Variants in WBP4 observed in about 807,000 individuals in gnomAD.
WBP4 encodes the protein WW domain-binding protein 4.
WBP4 carries 37 observed loss-of-function variants against 55.4 expected under a neutral mutation model. The ratio of observed to expected loss-of-function variants is 0.67; its 90% confidence interval spans 0.51 to 0.88. The LOEUF (loss-of-function observed/expected upper bound fraction) is 0.88. Ranked by LOEUF, WBP4 falls within the 40% of genes least tolerant of loss-of-function variation. The probability of loss-of-function intolerance (pLI) is 0.00; values close to 1 mark genes in which losing one functional copy is unlikely to be tolerated. For missense variants in WBP4, 398 were observed against 420.8 expected (o/e 0.95, Z 0.47); for synonymous variants, 142 against 140.2 (o/e 1.01, Z -0.09).
intron 7 of WBP4, among the ~76,000 whole-genome samples, chr13:41,074,918 C>T (rs1404617689): frequency 6.6e-6 from 1 of 151,984 alleles, no homozygotes; most frequent in Non-Finnish European, 1.5e-5. Context: ...TCGCTTGAAC[C>T]GGGGAGGTGG....
chr13:41,065,109 C>T, intron 3 of WBP4, 31 bp downstream of exon 3: 1 of 1,599,264 alleles, frequency 6.3e-7, no homozygotes. Context: ...GCTAATTTTT[C>T]TATGCAAATG....
chr13:41,062,096 G>GTTTTTTTTTTTTT, intron 1 of WBP4: 45 of 805,482 alleles, frequency 5.6e-5, no homozygotes, highest in South Asian at 1.9e-4. Flanking sequence ...TAGCGTAATG[G>GTTTTTTTTTTTTT]TTTTTTTTTT....
At chr13:41,080,012 G>A (rs1200574334) in intron 8 of WBP4, among the ~76,000 whole-genome samples, 1 of 151,490 alleles carries the variant, frequency 6.6e-6, no homozygotes, top group Non-Finnish European at 1.5e-5. Flanking sequence ...GCTAAACAGT[G>A]GGCACACATG....
chr13:41,072,953 A>C (rs1455594335), intron 7 of WBP4, 96 bp downstream of exon 7: 3 of 928,192 alleles, frequency 3.2e-6, no homozygotes, highest in Non-Finnish European at 4.9e-6. Context: ...AAATTTTAGT[A>C]TACAATAAAC....
Position 41,072,797 on chromosome 13 carries a change from G to C in WBP4, c.502G>C (p.Val168Leu). Residue 168 changes from valine to leucine, a missense_variant, in exon 7 of 10, where the codon GTT (valine) becomes CTT (leucine). Physicochemically the swap from Val to Leu is conservative, Grantham distance 32 (BLOSUM62 1). Coordinates refer to ENST00000379487, the MANE Select transcript of WBP4 (RefSeq NM_007187.5). ...GDLKKTAVKTVWVEGLSEDGF... is the reference protein window; with the variant it reads ...GDLKKTAVKTLWVEGLSEDGF... ...CTCCTATTAGACAGCAGTGAAGACC[G>C]TTTGGGTAGAAGGTTTAAGTGAAGA... 2 of 1,613,430 alleles carry C rather than the reference G, an allele frequency of 1.2e-6. No individual in the cohort carries two copies. The highest frequency in any genetic ancestry group is 1.7e-6 in the Non-Finnish European group (2 of 1,179,682).
rs772883137 is a variant in WBP4 at position 41,062,722 on chromosome 13, A to G, written c.75+6A>G. 1 of 1,602,320 alleles carries G rather than the reference A, an allele frequency of 6.2e-7. No homozygotes were observed. The highest frequency in any genetic ancestry group is 1.1e-5 in the South Asian group (1 of 88,914). ...GGATAGCAGACAATAGGCCTGTATG[A>G]TAATTCCGCTGTTAGAGATTCTAAT... On this transcript the variant is annotated splice_donor_region_variant and intron_variant, in intron 2 of 9. Coordinates refer to ENST00000379487, the MANE Select transcript of WBP4 (RefSeq NM_007187.5).
In WBP4 at chr13:41,082,907, A is replaced by G. The variant is rs1481711093; in HGVS notation, c.1124A>G (p.Asp375Gly). 1.2e-6 allele frequency: 2 copies of G among 1,613,902 alleles called. No individual in the cohort carries two copies. Among genetic ancestry groups the G allele is most frequent in the East Asian group, 4.5e-5 (2 of 44,882 alleles). The change falls in exon 10 of 10, where the codon GAT becomes GGT. Residue 375 changes from aspartate (D) to glycine (G), a missense_variant. By Grantham distance (94) the Asp-to-Gly change is moderately conservative (BLOSUM62 -1). Coordinates refer to ENST00000379487, the MANE Select transcript of WBP4 (RefSeq NM_007187.5). ...AGAAATTTAAGGCAACGAGGTGATGATCAATAGTTGCAGGAGAGCTTTTTG... is the reference window on the plus strand; with the variant it reads ...AGAAATTTAAGGCAACGAGGTGATGGTCAATAGTTGCAGGAGAGCTTTTTG... ...KSRNLRQRGD[D>G]Q
chr13:41,069,398 C>G (rs1878128612), intron 5 of WBP4, among the ~76,000 whole-genome samples: 1 of 152,058 alleles, frequency 6.6e-6, no homozygotes, highest in Admixed American at 6.6e-5. Context: ...CGCGGTGGCT[C>G]ACACCTGTAA....
Position 41,061,734 on chromosome 13 carries a change from C to A in WBP4, c.2+59C>A, listed in dbSNP as rs999003661. 5.0e-6 allele frequency: 8 copies of A among 1,610,692 alleles called. No individual in the cohort carries two copies. The African/African-American group carries it at 9.3e-5, about 19-fold the overall frequency. On this transcript the variant is annotated intron_variant, in intron 1 of 9. Transcript: ENST00000379487. ...GTTGTTTCTCTGGGCCGCCCTTTCTCGCCCGGGTCTTCCCCTCCTCTCCTC... is the reference window on the plus strand; with the variant it reads ...GTTGTTTCTCTGGGCCGCCCTTTCTAGCCCGGGTCTTCCCCTCCTCTCCTC...
intron 8 of WBP4, among the ~76,000 whole-genome samples, chr13:41,077,206 TAAA>T (rs1041789033): frequency 6.6e-5 from 10 of 152,074 alleles, no homozygotes; most frequent in Admixed American, 6.6e-4. Context: ...CATAAACAAT[TAAA>T]AACAACCATA....
intron 8 of WBP4, among the ~76,000 whole-genome samples, chr13:41,076,833 A>C (rs892835368): frequency 4.6e-5 from 7 of 152,160 alleles, no homozygotes; most frequent in African/African-American, 1.7e-4. Context: ...TACCAACTTC[A>C]CAAATCTTGA....
chr13:41,066,576 C>G (rs961382614), intron 4 of WBP4, among the ~76,000 whole-genome samples: 40 of 152,220 alleles, frequency 2.6e-4, no homozygotes, highest in Non-Finnish European at 7.4e-5. Context: ...TTTCCTCTTG[C>G]TAGTTATGAC....
At chr13:41,064,284 T>G (rs1877844059) in intron 2 of WBP4, among the ~76,000 whole-genome samples, 1 of 152,146 alleles carries the variant, frequency 6.6e-6, no homozygotes, top group Non-Finnish European at 1.5e-5. Context: ...GTACCATAGT[T>G]TAACCAGTCA....
chr13:41,073,004 A>G (rs1878317945), intron 7 of WBP4, 147 bp downstream of exon 7: 1 of 620,216 alleles, frequency 1.6e-6, no homozygotes, highest in Non-Finnish European at 2.7e-6. Flanking sequence ...TGTAATTTAA[A>G]AACAATACAG....
chr13:41,072,882 A>G (rs377365011), intron 7 of WBP4, 25 bp downstream of exon 7: 3 of 1,586,524 alleles, frequency 1.9e-6, no homozygotes, highest in Non-Finnish European at 2.6e-6. Context: ...TGATTATCTT[A>G]ACTGTTTAAA....
At chr13:41,069,255 A>G (rs1878121514) in intron 5 of WBP4, among the ~76,000 whole-genome samples, 2 of 152,176 alleles carry the variant, frequency 1.3e-5, no homozygotes, top group African/African-American at 4.8e-5. Context: ...GGCCAGATGC[A>G]GTGGCTCATG....
At chr13:41,071,653 A>G (rs1878251609) in intron 6 of WBP4, 80 bp downstream of exon 6, 6 of 1,364,664 alleles carry the variant, frequency 4.4e-6, no homozygotes, top group Non-Finnish European at 6.1e-6. Flanking sequence ...AGTTTTGCTA[A>G]GCAACTTTAT....
intron 4 of WBP4, among the ~76,000 whole-genome samples, chr13:41,066,414 AG>A (rs1422830478): frequency 6.6e-6 from 1 of 152,172 alleles, no homozygotes; most frequent in African/African-American, 2.4e-5. Context: ...CCTCTTCTTT[AG>A]ATCTTTTTTT....
intron 6 of WBP4, 98 bp from the exon 7 acceptor site, chr13:41,072,684 G>C (rs957920624): frequency 9.6e-6 from 9 of 938,554 alleles, no homozygotes; most frequent in African/African-American, 6.7e-5. Context: ...ATATCACCAG[G>C]TGTCAGGAGG....
Sources: gnomAD v4.1 joint callset for allele counts (sites outside exome capture counted in the v4.1 genomes callset) on GRCh38, gnomAD v4.1.1 for gene constraint, MANE v1.5 for transcripts, NCBI Gene and HGNC (gene_info 2026-07-23, HGNC 2026-07-21) for gene names.